COL28A1: variants seen among roughly 807,000 people sequenced by gnomAD.
COL28A1 encodes the protein collagen type XXVIII alpha 1 chain.
COL28A1 carries 161 observed loss-of-function variants against 150.2 expected under a neutral mutation model. The observed-to-expected ratio is 1.07, with a 90% confidence interval of 0.94 to 1.22. The LOEUF is 1.22. COL28A1 is among the 50% of genes most tolerant of loss of function. The pLI, the probability that COL28A1 is intolerant of heterozygous loss-of-function variation, is 0.00. For missense variants in COL28A1, 1,617 were observed against 1,388.3 expected, an observed-to-expected ratio of 1.16 and a Z score of -2.62; for synonymous variants, 552 against 469.7, an observed-to-expected ratio of 1.18 and a Z score of -2.26.
intron 5 of COL28A1, among the ~76,000 whole-genome samples, chr7:7,521,670 G>C (rs1781733206): frequency 6.6e-6 from 1 of 152,152 alleles, no homozygotes; most frequent in Admixed American, 6.5e-5. Context: ...TCCTTTGTGG[G>C]AACAACTTCA....
Position 7,477,311 on chromosome 7 carries a change from G to A in COL28A1, c.1165-131C>T. The A allele has an allele frequency of 1.1e-5, 7 of 651,730 alleles. No individual in the cohort carries two copies. The South Asian group carries it at 1.3e-4, about 12-fold the overall frequency. The allele number at this position is 651,730 out of a possible 1,614,324, so 40.4% of individuals were successfully genotyped here. On this transcript the variant is annotated intron_variant, in intron 13 of 34. Transcript: ENST00000399429. ...ACATGCCAAAAAAAAATGGATAGTTGGATCTGTACTAAACATGTACAGGCT... is the reference window on the plus strand; with the variant it reads ...ACATGCCAAAAAAAAATGGATAGTTAGATCTGTACTAAACATGTACAGGCT...
chr7:7,422,344 G>A lies in COL28A1; in HGVS notation c.1999-2391C>T, dbSNP rs570719950. On this transcript the variant is annotated intron_variant, in intron 25 of 34. Transcript: ENST00000399429. ...GAGGTGAAAAGGTTAGGAAGGATAT[G>A]GCCAGGTTGGGCGCAGTGGCTTACA... 5.3e-5 allele frequency among the ~76,000 whole-genome samples: 8 copies of A among 152,226 alleles called. No individual in the cohort carries two copies. In the South Asian group the frequency reaches 1.5e-3, roughly 28 times the overall value.
chr7:7,436,434 TC>T lies in COL28A1; in HGVS notation c.1820del (p.Gly607AspfsTer77). The T allele has an allele frequency of 7.0e-7, 1 of 1,431,360 alleles. No individual in the cohort carries two copies. Among genetic ancestry groups the T allele is most frequent in the Non-Finnish European group, 9.9e-7 (1 of 1,013,130 alleles). The allele number at this position is 1,431,360 out of a possible 1,614,324, so 88.7% of individuals were successfully genotyped here. A position where few individuals can be genotyped will look rare whatever the true frequency, so the allele number is the denominator to read the frequency against. On this transcript the variant is annotated frameshift_variant, in exon 23 of 35. Coordinates refer to ENST00000399429, the MANE Select transcript of COL28A1 (RefSeq NM_001037763.3). LOFTEE classifies it high-confidence loss of function. Reference protein sequence around the residue: ...KGDRGGPGIPGFKGEPGLSIR... With the variant: ...KGDRGGPGIPXFKGEPGLSIR... ...TAGAAAGTCCAGGTTCTCCCTTAAA[TC>T]CAGGTATCCCAGGTCCTCCTCTATC...
intron 11 of COL28A1, among the ~76,000 whole-genome samples, chr7:7,505,486 C>T (rs1583525366): frequency 6.6e-6 from 1 of 152,134 alleles, no homozygotes; most frequent in African/African-American, 2.4e-5. Flanking sequence ...TTTTGTTCTG[C>T]GTGGCTTGTA....
At position 7,358,416 on chromosome 7, in the gene COL28A1, C is replaced by G. The variant is rs1051678304; in HGVS notation, c.*217G>C. 29 of 438,750 alleles carry G rather than the reference C, an allele frequency of 6.6e-5. No individual in the cohort carries two copies. Among genetic ancestry groups the G allele is most frequent in the Middle Eastern group, 1.2e-3 (2 of 1,686 alleles). 27.2% of individuals were successfully genotyped at this position (438,750 alleles called of 1,614,324 possible). On this transcript the variant is annotated 3_prime_UTR_variant, in exon 35 of 35. Coordinates refer to ENST00000399429, the MANE Select transcript of COL28A1 (RefSeq NM_001037763.3). The stretch of plus-strand genomic sequence containing the variant: ...GCTCTGAAACTTTTTAGTTGGGTGA[C>G]AGTTGACAAGTTACTAAACTTCTCA...
At chr7:7,445,801 G>C (rs1407514816) in intron 18 of COL28A1, among the ~76,000 whole-genome samples, 2 of 149,814 alleles carry the variant, frequency 1.3e-5, no homozygotes, top group African/African-American at 4.9e-5. Context: ...GAATGATAAA[G>C]ATGAGAGAAG....
chr7:7,472,777 T>G (rs1788543942), intron 15 of COL28A1, among the ~76,000 whole-genome samples: 1 of 152,148 alleles, frequency 6.6e-6, no homozygotes, highest in African/African-American at 2.4e-5. Flanking sequence ...CAAACTACAC[T>G]ATAAGGCCAT....
intron 27 of COL28A1, among the ~76,000 whole-genome samples, chr7:7,406,351 C>G (rs1456379277): frequency 6.6e-6 from 1 of 152,138 alleles, no homozygotes; most frequent in Non-Finnish European, 1.5e-5. Flanking sequence ...TACATTCATT[C>G]AAGTGTTCCT....
intron 6 of COL28A1, 149 bp downstream of exon 6, chr7:7,519,913 A>G (rs1040564733): frequency 1.9e-6 from 1 of 523,050 alleles, no homozygotes; most frequent in Non-Finnish European, 3.4e-6. Context: ...AAGATAGATA[A>G]TATAGGAAGT....
chr7:7,420,074 TCTC>T, intron 25 of COL28A1, 121 bp from the exon 26 acceptor site: 1 of 489,176 alleles, frequency 2.0e-6, no homozygotes, highest in Non-Finnish European at 3.5e-6. Flanking sequence ...TGAACCCTCT[TCTC>T]CTAGATCACT....
intron 15 of COL28A1, among the ~76,000 whole-genome samples, chr7:7,461,150 C>A (rs978270874): frequency 4.6e-5 from 7 of 152,094 alleles, no homozygotes; most frequent in South Asian, 2.1e-4. Flanking sequence ...CACTGGGGAA[C>A]CTGAAGGTCT....
At chr7:7,451,930 T>C (rs988464675) in intron 18 of COL28A1, among the ~76,000 whole-genome samples, 1 of 152,170 alleles carries the variant, frequency 6.6e-6, no homozygotes, top group African/African-American at 2.4e-5. Context: ...AGTTGAGCGC[T>C]CAACTGGCTC....
the COL28A1 span, among the ~76,000 whole-genome samples, chr7:7,345,179 A>G: frequency 1.3e-5 from 2 of 152,106 alleles, no homozygotes; most frequent in Admixed American, 1.3e-4. Context: ...ATAAAATAAA[A>G]TGTGAGAAAT....
intron 32 of COL28A1, among the ~76,000 whole-genome samples, 162 bp from the exon 33 acceptor site, chr7:7,371,044 A>G (rs1781200209): frequency 6.6e-6 from 1 of 152,200 alleles, no homozygotes; most frequent in Admixed American, 6.5e-5. Flanking sequence ...CATCCTGTGT[A>G]AGAGGTCATC....
downstream of COL28A1, among the ~76,000 whole-genome samples, chr7:7,353,139 C>G (rs1056002247): frequency 6.6e-6 from 1 of 152,186 alleles, no homozygotes; most frequent in Non-Finnish European, 1.5e-5. Flanking sequence ...TTCCTGGCCT[C>G]CCACAAACAA....
At chr7:7,460,469 C>T (rs1195581768) in intron 15 of COL28A1, among the ~76,000 whole-genome samples, 1 of 152,056 alleles carries the variant, frequency 6.6e-6, no homozygotes, top group Admixed American at 6.5e-5. Context: ...GCAAGCTCCG[C>T]CTCCTGGGTT....
chr7:7,535,287 T>C (rs1020102221), intron 1 of COL28A1, among the ~76,000 whole-genome samples: 3 of 152,174 alleles, frequency 2.0e-5, no homozygotes, highest in Non-Finnish European at 4.4e-5. Context: ...GATACTTTAT[T>C]TTTTATAATT....
At chr7:7,542,686 G>A in the COL28A1 span, among the ~76,000 whole-genome samples, 1 of 152,150 alleles carries the variant, frequency 6.6e-6, no homozygotes, top group African/African-American at 2.4e-5. Flanking sequence ...AGCAACGGGA[G>A]CCACTGAACA....
rs113112953 is a variant in COL28A1, at chr7:7,385,430, G to C, written c.2137-3818C>G. On this transcript the variant is annotated intron_variant, in intron 27 of 34. Coordinates refer to ENST00000399429, the MANE Select transcript of COL28A1 (RefSeq NM_001037763.3). ...ACAGAACAGTGTGATAAACAGAGGA[G>C]CTGAGACTGTGGTGTGATGGTGAAT... 3.1e-3 allele frequency among the ~76,000 whole-genome samples: 471 copies of C among 152,328 alleles called. 6 individuals carry two copies. Among genetic ancestry groups the C allele is most frequent in the African/African-American group, 0.011 (450 of 41,580 alleles).
Sources: gnomAD v4.1 joint callset for allele counts (sites outside exome capture counted in the v4.1 genomes callset) on GRCh38, gnomAD v4.1.1 for gene constraint, MANE v1.5 for transcripts, NCBI Gene and HGNC (gene_info 2026-07-23, HGNC 2026-07-21) for gene names.